The following KANK1 variants were observed in gnomAD, a reference collection of about 807,000 sequenced individuals.
The protein encoded by KANK1 is KN motif and ankyrin repeat domain-containing protein 1.
Under a neutral mutation model 106.2 loss-of-function variants are expected in KANK1, and 109 were observed. That is an observed-to-expected ratio of 1.03 (90% CI 0.88 to 1.20). KANK1 has a LOEUF of 1.20. Among genes scored for constraint, KANK1 ranks in the 50% most tolerant of loss-of-function variants. The pLI, the probability that KANK1 is intolerant of heterozygous loss-of-function variation, is 0.00. For missense variants in KANK1, 2,399 were observed against 1,710.7 expected (o/e 1.40, Z -7.10); for synonymous variants, 873 against 652.2 (o/e 1.34, Z -5.16).
At chr9:717,181 A>T (rs1394530387) in intron 3 of KANK1, among the ~76,000 whole-genome samples, 4 of 151,614 alleles carry the variant, frequency 2.6e-5, no homozygotes, top group Non-Finnish European at 5.9e-5. Context: ...GCTACTCAGG[A>T]GGCTGAGGTG....
chr9:701,294 G>A (rs1328323076), intron 2 of KANK1, among the ~76,000 whole-genome samples: 4 of 152,112 alleles, frequency 2.6e-5, no homozygotes, highest in East Asian at 1.9e-4. Context: ...TGTATTTTTA[G>A]TAGAGGTGGG....
intron 3 of KANK1, among the ~76,000 whole-genome samples, chr9:726,822 T>C (rs1051120164): frequency 3.3e-5 from 5 of 151,924 alleles, no homozygotes. Flanking sequence ...TAGCCAGGCA[T>C]GGTGGCAGGT....
Position 711,312 on chromosome 9 carries a change from C to T in KANK1, c.546C>T (p.Pro182=), listed in dbSNP as rs376363600. Residue 182 remains proline, a synonymous_variant, in exon 3 of 12, where the codon CCC becomes CCT. Transcript: ENST00000382297. The stretch of plus-strand genomic sequence containing the variant: ...TGACACCGGGTGAGTTCAGAAGGCC[C>T]AGGCTGGCCAGTTTTGGAGGCATGG... The part of the protein sequence containing the change: ...MQMTPGEFRR[P]RLASFGGMGT... 13 of 1,614,048 alleles carry T rather than the reference C, an allele frequency of 8.1e-6. No homozygotes were observed. The highest frequency in any genetic ancestry group is 9.3e-6 in the Non-Finnish European group (11 of 1,180,050).
At chr9:487,776 A>ATGTC (rs1268217541) in intron 3 of KANK1, 1 of 152,192 alleles carries the variant, frequency 6.6e-6, no homozygotes, top group Non-Finnish European at 1.5e-5. Flanking sequence ...TATTCTAGGC[A>ATGTC]TGTCTGCACA....
intron 1 of KANK1, among the ~76,000 whole-genome samples, chr9:653,739 C>G (rs534356175): frequency 1.5e-3 from 235 of 152,232 alleles, no homozygotes; most frequent in African/African-American, 5.3e-3. Flanking sequence ...GTTTGGTTTT[C>G]ATACCTTTGT....
intron 1 of KANK1, among the ~76,000 whole-genome samples, chr9:579,853 C>T (rs2804274): frequency 1.2e-4 from 19 of 152,014 alleles, no homozygotes; most frequent in Non-Finnish European, 2.9e-5. Context: ...GAGGTTGGAC[C>T]TGAAAAACCT....
rs115937862 is a variant in KANK1 at position 656,289 on chromosome 9, G to A, written c.-83-20601G>A. ...GGAGAGAGGGAGAGACAAGACCTTC[G>A]CGTGAGGAGGAAAGAGTTTAAGTCC... On this transcript the variant is annotated intron_variant, in intron 1 of 11. Transcript: ENST00000382297. Among the ~76,000 whole-genome samples, 842 of 152,268 alleles carry A rather than the reference G, an allele frequency of 5.5e-3. 7 individuals carry two copies. Among genetic ancestry groups the A allele is most frequent in the African/African-American group, 0.019 (793 of 41,522 alleles).
intron 1 of KANK1, among the ~76,000 whole-genome samples, chr9:544,826 G>T (rs753626581): frequency 4.6e-5 from 7 of 151,664 alleles, no homozygotes; most frequent in South Asian, 2.1e-4. Flanking sequence ...GGGGGTGGGA[G>T]GGTAGGTCAT....
intron 1 of KANK1, among the ~76,000 whole-genome samples, chr9:608,590 C>T (rs375050960): frequency 6.7e-6 from 1 of 149,272 alleles, no homozygotes; most frequent in Non-Finnish European, 1.5e-5. Context: ...TGGGCTCTCT[C>T]TCTAGTCACT....
chr9:632,065 A>C (rs528734403), intron 1 of KANK1, among the ~76,000 whole-genome samples: 1 of 152,334 alleles, frequency 6.6e-6, no homozygotes, highest in Non-Finnish European at 1.5e-5. Flanking sequence ...CATTGTGTCT[A>C]GCCTTTAACA....
At position 713,198 on chromosome 9, in the gene KANK1, C is replaced by G; in HGVS notation, c.2432C>G (p.Pro811Arg). 1 of 1,586,534 alleles carries G rather than the reference C, an allele frequency of 6.3e-7. No individual in the cohort carries two copies. The highest frequency in any genetic ancestry group is 8.6e-7 in the Non-Finnish European group (1 of 1,166,382). ...CCTGTAGGGGAATCTCTGGAGAACC[C>G]CCAGCCTCAAGCTCCACTTGGAATG... Reference protein sequence around the residue: ...DDPVGESLENPQPQAPLGMMT... With the variant: ...DDPVGESLENRQPQAPLGMMT... The change falls in exon 3 of 12, where the codon CCC becomes CGC. Residue 811 changes from proline (P) to arginine (R), a missense_variant. By Grantham distance (103) the Pro-to-Arg change is moderately radical. Transcript: ENST00000382297.
upstream of KANK1, among the ~76,000 whole-genome samples, chr9:500,648 T>C (rs1181464184): frequency 1.3e-5 from 2 of 152,256 alleles, no homozygotes; most frequent in Non-Finnish European, 2.9e-5. Flanking sequence ...ATGAAGGTGA[T>C]TTATCAGAAA....
intron 1 of KANK1, among the ~76,000 whole-genome samples, chr9:521,021 A>G (rs2059522782): frequency 6.6e-6 from 1 of 151,778 alleles, no homozygotes; most frequent in African/African-American, 2.4e-5. Context: ...CAGAAATAAA[A>G]TTTATTAAGG....
chr9:572,615 T>C (rs994572619), intron 1 of KANK1, among the ~76,000 whole-genome samples: 3 of 152,126 alleles, frequency 2.0e-5, no homozygotes, highest in Non-Finnish European at 2.9e-5. Context: ...GGTCTTGAAT[T>C]CCTGGCCTCA....
At chr9:734,639 C>G in intron 6 of KANK1, 109 bp from the exon 7 acceptor site, 1 of 705,468 alleles carries the variant, frequency 1.4e-6, no homozygotes, top group East Asian at 2.9e-5. Context: ...GCACTCCAGC[C>G]TGGGCGACAG....
At chr9:714,720 C>T (rs1404049240) in intron 3 of KANK1, among the ~76,000 whole-genome samples, 6 of 152,180 alleles carry the variant, frequency 3.9e-5, no homozygotes, top group Non-Finnish European at 7.3e-5. Flanking sequence ...TTCCTGCTCA[C>T]TCTTCCTTCT....
chr9:684,075 G>A, intron 2 of KANK1: 1 of 700,354 alleles, frequency 1.4e-6, no homozygotes, highest in Non-Finnish European at 1.7e-6. Context: ...CCAGCCCCCG[G>A]AGAGGTTTTG....
intron 1 of KANK1, among the ~76,000 whole-genome samples, chr9:544,742 A>T (rs1411159121): frequency 7.3e-6 from 1 of 137,790 alleles, no homozygotes; most frequent in Non-Finnish European, 1.5e-5. Flanking sequence ...GAAGTGGTAG[A>T]CTTGGGGAAG....
chr9:709,366 C>G (rs953654180), intron 2 of KANK1, among the ~76,000 whole-genome samples: 3 of 152,178 alleles, frequency 2.0e-5, no homozygotes, highest in Non-Finnish European at 4.4e-5. Flanking sequence ...TGGAGGTAGT[C>G]AGGAGCTGAG....
Sources: gnomAD v4.1 joint callset for allele counts (sites outside exome capture counted in the v4.1 genomes callset) on GRCh38, gnomAD v4.1.1 for gene constraint, MANE v1.5 for transcripts, NCBI Gene and HGNC (gene_info 2026-07-23, HGNC 2026-07-21) for gene names.